The following SPOCK3 variants were observed in gnomAD, a reference collection of about 807,000 sequenced individuals.
The protein encoded by SPOCK3 is testican-3.
SPOCK3 carries 30 observed loss-of-function variants against 56.6 expected under a neutral mutation model. That is an observed-to-expected ratio of 0.53 (90% CI 0.40 to 0.72). The LOEUF (loss-of-function observed/expected upper bound fraction) is 0.72. Ranked by LOEUF, SPOCK3 falls within the 30% of genes least tolerant of loss-of-function variation. The pLI is 0.00. For synonymous variants in SPOCK3, 196 were observed against 183.3 expected (o/e 1.07, Z -0.56); for missense variants, 527 against 530.0 (o/e 0.99, Z 0.06).
chr4:167,195,244 C>T (rs1732829546), intron 2 of SPOCK3, among the ~76,000 whole-genome samples: 1 of 152,206 alleles, frequency 6.6e-6, no homozygotes, highest in Non-Finnish European at 1.5e-5. Context: ...AGCCAAAGTA[C>T]AGAGCTGCTT....
At chr4:166,840,803 C>A in intron 6 of SPOCK3, among the ~76,000 whole-genome samples, 1 of 67,730 alleles carries the variant, frequency 1.5e-5, no homozygotes. Flanking sequence ...TTTTTAGATG[C>A]AGTCTCGCTC....
At chr4:167,003,445 G>A (rs780463591) in intron 3 of SPOCK3, among the ~76,000 whole-genome samples, 23 of 152,150 alleles carry the variant, frequency 1.5e-4, no homozygotes, top group African/African-American at 2.4e-4. Context: ...ATTACACACT[G>A]TAAATACAGA....
Position 167,134,195 on chromosome 4 carries a change from G to GTT in SPOCK3, c.190-71660_190-71659dup, listed in dbSNP as rs113087824. On this transcript the variant is annotated intron_variant, in intron 2 of 10. Coordinates refer to ENST00000357545, the MANE Select transcript of SPOCK3 (RefSeq NM_001040159.2). ...AGGTGTGCGTCACTGAGCCTGGCTA[G>GTT]TTTTTTTTTGTATTTTTTGTAGAGA... is the stretch of plus-strand genomic sequence containing the variant. 5.9e-3 allele frequency among the ~76,000 whole-genome samples: 890 copies of GTT among 149,732 alleles called. 16 individuals are homozygous for GTT. Among genetic ancestry groups the GTT allele is most frequent in the African/African-American group, 0.021 (835 of 40,692 alleles).
At position 166,926,468 on chromosome 4, in the gene SPOCK3, C is replaced by G. The variant is rs190619185; in HGVS notation, c.351-13725G>C. Among the ~76,000 whole-genome samples, 3 of 151,840 alleles carry G rather than the reference C, an allele frequency of 2.0e-5. No homozygotes were observed. In the East Asian group the frequency reaches 5.8e-4, roughly 29 times the overall value. On this transcript the variant is annotated intron_variant, in intron 4 of 10. Coordinates refer to ENST00000357545, the MANE Select transcript of SPOCK3 (RefSeq NM_001040159.2). ...TTCTTCAGGCTATGCTATTCAGATC[C>G]CGCTTGAAATAATTCAATGGGAAGG...
chr4:166,831,757 TG>T (rs140484686), intron 6 of SPOCK3, among the ~76,000 whole-genome samples: 23,715 of 112,070 alleles, frequency 0.21, 2,506 homozygotes, highest in South Asian at 0.36. Context: ...TCTCCATTTT[TG>T]TTTTTTTTTT....
At position 167,062,534 on chromosome 4, in the gene SPOCK3, C is replaced by T. The variant is rs866127306; in HGVS notation, c.193G>A (p.Asp65Asn). 1.9e-6 allele frequency: 3 copies of T among 1,605,422 alleles called. No homozygotes were observed. Among genetic ancestry groups the T allele is most frequent in the Admixed American group, 1.7e-5 (1 of 59,808 alleles). Residue 65 changes from aspartate (D) to asparagine (N), a missense_variant, in exon 3 of 11, where the codon GAT (aspartate) becomes AAT (asparagine). Transcript: ENST00000357545. ...CCTGGACTCCAAGTGCGGAAATAAT[C>T]ATCCTAAGGGGGAAAATAATGTGAA... is the stretch of plus-strand genomic sequence containing the variant. ...VGQWNKFRDD[D>N]YFRTWSPGKP...
chr4:166,894,257 C>T (rs1216597167), intron 5 of SPOCK3, among the ~76,000 whole-genome samples: 1 of 151,948 alleles, frequency 6.6e-6, no homozygotes, highest in Non-Finnish European at 1.5e-5. Flanking sequence ...AATAATATAT[C>T]ATACTGGCCC....
intron 2 of SPOCK3, among the ~76,000 whole-genome samples, chr4:167,071,086 T>A (rs1756629447): frequency 6.6e-6 from 1 of 151,940 alleles, no homozygotes; most frequent in Non-Finnish European, 1.5e-5. Context: ...TCCTCATTTG[T>A]CTCTGAAAGT....
chr4:167,099,962 T>C (rs1266879501), intron 2 of SPOCK3, among the ~76,000 whole-genome samples: 1 of 152,140 alleles, frequency 6.6e-6, no homozygotes, highest in African/African-American at 2.4e-5. Context: ...TATGTACAAT[T>C]TGGTCTGAGC....
intron 6 of SPOCK3, chr4:166,883,302 A>G (rs540996224): frequency 6.6e-6 from 1 of 152,326 alleles, no homozygotes; most frequent in South Asian, 2.1e-4. Context: ...ACTGTGTCAG[A>G]TTATAGAATA....
At chr4:167,222,908 TAG>T (rs1315421152) in intron 2 of SPOCK3, among the ~76,000 whole-genome samples, 4 of 127,982 alleles carry the variant, frequency 3.1e-5, no homozygotes, top group Admixed American at 8.4e-5. Flanking sequence ...TATATAAACA[TAG>T]ATATGTTTAT....
At chr4:167,080,156 C>A (rs116366466) in intron 2 of SPOCK3, among the ~76,000 whole-genome samples, 1,848 of 152,132 alleles carry the variant, frequency 0.012, 21 homozygotes, top group Non-Finnish European at 0.018. Context: ...GGCCTTAGAA[C>A]TCTATATGTC....
chr4:167,115,714 T>G (rs1761273908), intron 2 of SPOCK3, among the ~76,000 whole-genome samples: 1 of 152,046 alleles, frequency 6.6e-6, no homozygotes, highest in South Asian at 2.1e-4. Context: ...GATGGTTGCC[T>G]TCAAAGGGGC....
intron 4 of SPOCK3, among the ~76,000 whole-genome samples, chr4:166,973,887 A>G (rs1244923292): frequency 6.6e-6 from 1 of 152,200 alleles, no homozygotes; most frequent in Non-Finnish European, 1.5e-5. Flanking sequence ...TTTGGAATAC[A>G]TAAATATATA....
chr4:167,039,802 A>T (rs563441253), intron 3 of SPOCK3, among the ~76,000 whole-genome samples: 7 of 152,362 alleles, frequency 4.6e-5, no homozygotes, highest in South Asian at 2.1e-4. Context: ...AAAACATTTT[A>T]AAAATGTATG....
chr4:166,747,886 T>G (rs1013024822), intron 8 of SPOCK3, among the ~76,000 whole-genome samples: 1 of 152,050 alleles, frequency 6.6e-6, no homozygotes, highest in Admixed American at 6.6e-5. Context: ...CCATTCATAA[T>G]TGCTTCAAAG....
intron 4 of SPOCK3, among the ~76,000 whole-genome samples, chr4:166,946,548 C>A (rs1250836870): frequency 6.6e-6 from 1 of 152,170 alleles, no homozygotes; most frequent in Non-Finnish European, 1.5e-5. Context: ...AATCGATTAG[C>A]TTCTTCAGTA....
intron 2 of SPOCK3, among the ~76,000 whole-genome samples, chr4:167,069,797 T>C (rs190099662): frequency 3.3e-5 from 5 of 151,964 alleles, no homozygotes; most frequent in African/African-American, 4.8e-5. Context: ...AAAATGGTTA[T>C]GTAACCCTGT....
intron 4 of SPOCK3, among the ~76,000 whole-genome samples, chr4:166,919,173 A>G (rs1292561293): frequency 6.6e-6 from 1 of 152,200 alleles, no homozygotes; most frequent in Admixed American, 6.5e-5. Context: ...TATAATAATA[A>G]ATTTTCAATA....
Sources: allele counts gnomAD v4.1 joint callset (sites outside exome capture counted in the v4.1 genomes callset), GRCh38; gene constraint gnomAD v4.1.1; transcripts MANE v1.5; gene names NCBI Gene and HGNC (gene_info 2026-07-23, HGNC 2026-07-21).